Variants in NDUFS6 observed in about 807,000 individuals in gnomAD.
The protein encoded by NDUFS6 is NADH:ubiquinone oxidoreductase subunit S6, also known as NADH dehydrogenase [ubiquinone] iron-sulfur protein 6, mitochondrial.
NDUFS6 carries 14 observed loss-of-function variants against 13.2 expected under a neutral mutation model. The observed-to-expected ratio is 1.06, with a 90% CI of 0.70 to 1.66. NDUFS6 has a LOEUF of 1.66. Ranked by LOEUF, NDUFS6 falls within the 40% of genes most tolerant of loss-of-function variation. The pLI is 0.00. For missense variants in NDUFS6, 206 were observed against 170.8 expected, an observed-to-expected ratio of 1.21 and a Z score of -1.15; for synonymous variants, 95 against 72.3, an observed-to-expected ratio of 1.31 and a Z score of -1.60.
intron 2 of NDUFS6, among the ~76,000 whole-genome samples, chr5:1,807,451 TA>T (rs968865451): frequency 2.0e-5 from 3 of 151,740 alleles, no homozygotes; most frequent in African/African-American, 7.3e-5. Context: ...TTACCACAAT[TA>T]AAAAAAAATT....
rs751632833 is a variant in NDUFS6 at position 1,814,650 on chromosome 5, G to GA, written c.309+193dup. On this transcript the variant is annotated intron_variant, in intron 3 of 3. Coordinates refer to ENST00000274137, the MANE Select transcript of NDUFS6 (RefSeq NM_004553.6). This position sits in a 1 kb window ranked among gnomAD's most constrained non-coding sequence, Gnocchi z 4.9. ...AGGGCCTACATAGAGCCGCCTGTCCGAAAACCCCCTTTCAACTGTGAAGTG... is the reference window on the plus strand; with the variant it reads ...AGGGCCTACATAGAGCCGCCTGTCCGAAAAACCCCCTTTCAACTGTGAAGTG... The GA allele has an allele frequency of 1.1e-5, 10 of 894,762 alleles. No individual in the cohort carries two copies. Among genetic ancestry groups the GA allele is most frequent in the Non-Finnish European group, 1.8e-6 (1 of 560,728 alleles). 55.4% of individuals were successfully genotyped at this position (894,762 alleles called of 1,614,324 possible). A position where few individuals can be genotyped will look rare whatever the true frequency, so the allele number is the denominator to read the frequency against.
intron 2 of NDUFS6, among the ~76,000 whole-genome samples, chr5:1,804,212 C>T (rs895067440): frequency 8.5e-5 from 13 of 152,230 alleles, no homozygotes; most frequent in Non-Finnish European, 1.9e-4. Context: ...CCCTTGGGCT[C>T]ATTCATGCAA....
At chr5:1,813,788 G>A (rs150860104) in intron 2 of NDUFS6, among the ~76,000 whole-genome samples, 1 of 152,298 alleles carries the variant, frequency 6.6e-6, no homozygotes, top group African/African-American at 2.4e-5. Flanking sequence ...CAACCTAACC[G>A]GCATTCAGGA....
chr5:1,807,275 CG>C (rs1274907188), intron 2 of NDUFS6, among the ~76,000 whole-genome samples: 1 of 150,506 alleles, frequency 6.6e-6, no homozygotes, highest in East Asian at 2.0e-4. Flanking sequence ...TGGTGGTTGC[CG>C]GGGGCGGGGG....
In NDUFS6 at chr5:1,814,233, C is replaced by T. The variant is rs1734266233; in HGVS notation, c.187-106C>T. 1 of 1,473,194 alleles carries T rather than the reference C, an allele frequency of 6.8e-7. No individual in the cohort carries two copies. The highest frequency in any genetic ancestry group is 9.5e-7 in the Non-Finnish European group (1 of 1,055,578). 91.3% of individuals were successfully genotyped at this position (1,473,194 alleles called of 1,614,324 possible). ...TGATAATAGTTAAATGAAGCATGCA[C>T]CATAGATTCGTGCTGATGGTACATG... On this transcript the variant is annotated intron_variant, in intron 2 of 3. Transcript: ENST00000274137. This position sits in a 1 kb window ranked among gnomAD's most constrained non-coding sequence, Gnocchi z 4.9.
At chr5:1,805,302 C>A (rs1437952145) in intron 2 of NDUFS6, among the ~76,000 whole-genome samples, 1 of 152,106 alleles carries the variant, frequency 6.6e-6, no homozygotes, top group Admixed American at 6.5e-5. Context: ...TGTACTCCAG[C>A]CTGGGCAACA....
At chr5:1,810,465 T>G (rs1734201376) in intron 2 of NDUFS6, among the ~76,000 whole-genome samples, 1 of 152,216 alleles carries the variant, frequency 6.6e-6, no homozygotes, top group African/African-American at 2.4e-5. Context: ...CAGGGGCAGC[T>G]GAAAGGGGCT....
In NDUFS6 at chr5:1,814,693, C is replaced by A. The variant is rs1337333262; in HGVS notation, c.309+232C>A. Reference sequence around the variant, plus strand: ...GTGAAGTGGTGGGCGGCATGTTTCTCTTCTCGGACGCCCAAGCGTCTTTCC... The same window carrying A: ...GTGAAGTGGTGGGCGGCATGTTTCTATTCTCGGACGCCCAAGCGTCTTTCC... On this transcript the variant is annotated intron_variant, in intron 3 of 3. Transcript: ENST00000274137. This position sits in a 1 kb window ranked among gnomAD's most constrained non-coding sequence, Gnocchi z 4.9. The A allele has an allele frequency of 4.1e-6, 3 of 736,206 alleles. No individual in the cohort carries two copies. The African/African-American group carries it at 5.2e-5, about 13-fold the overall frequency. The allele number at this position is 736,206 out of a possible 1,614,324, so 45.6% of individuals were successfully genotyped here. A position where few individuals can be genotyped will look rare whatever the true frequency, so the allele number is the denominator to read the frequency against.
chr5:1,814,840 A>G lies in NDUFS6; in HGVS notation c.309+379A>G. 1 of 622,440 alleles carries G rather than the reference A, an allele frequency of 1.6e-6. No homozygotes were observed. Among genetic ancestry groups the G allele is most frequent in the African/African-American group, 1.8e-5 (1 of 54,542 alleles). The allele number at this position is 622,440 out of a possible 1,614,324, so 38.6% of individuals were successfully genotyped here. The stretch of plus-strand genomic sequence containing the variant: ...GCGCTGGAGGCTGCAGCCCAAGACC[A>G]CCGTGCCGCTCTGTGGGTTCCTCCT... On this transcript the variant is annotated intron_variant, in intron 3 of 3. Transcript: ENST00000274137. This position sits in a 1 kb window ranked among gnomAD's most constrained non-coding sequence, Gnocchi z 4.9.
intron 1 of NDUFS6, among the ~76,000 whole-genome samples, chr5:1,801,940 G>A (rs1347875923): frequency 6.6e-6 from 1 of 152,234 alleles, no homozygotes; most frequent in East Asian, 1.9e-4. Flanking sequence ...AAAGCCCTAA[G>A]CCAAAATGAA....
intron 2 of NDUFS6, among the ~76,000 whole-genome samples, chr5:1,813,707 C>T (rs1734256248): frequency 6.6e-6 from 1 of 152,114 alleles, no homozygotes; most frequent in African/African-American, 2.4e-5. Flanking sequence ...TCATAAATGA[C>T]CAGGTGGAAG....
intron 2 of NDUFS6, among the ~76,000 whole-genome samples, chr5:1,806,855 A>G (rs1019159839): frequency 1.2e-4 from 18 of 152,234 alleles, no homozygotes; most frequent in African/African-American, 4.1e-4. Context: ...CACTCGTGTC[A>G]TAGCAGCATT....
At chr5:1,810,443 G>A (rs939918192) in intron 2 of NDUFS6, among the ~76,000 whole-genome samples, 2 of 152,146 alleles carry the variant, frequency 1.3e-5, no homozygotes, top group African/African-American at 4.8e-5. Context: ...GCACTTAATC[G>A]TTGACTGTTC....
At chr5:1,802,419 T>C (rs1272625270) in intron 2 of NDUFS6, 45 bp downstream of exon 2, 1 of 1,482,216 alleles carries the variant, frequency 6.7e-7, no homozygotes, top group Non-Finnish European at 9.4e-7. Flanking sequence ...TCCTAAAACT[T>C]TTATGTAACC....
chr5:1,809,779 G>T (rs1233987642), intron 2 of NDUFS6, among the ~76,000 whole-genome samples: 1 of 152,214 alleles, frequency 6.6e-6, no homozygotes, highest in East Asian at 1.9e-4. Context: ...CCTGCAGCAG[G>T]GGTGAGCAGA....
chr5:1,801,509 G>T lies in NDUFS6; in HGVS notation c.92G>T (p.Arg31Leu), dbSNP rs770018272. The change falls in exon 1 of 4, where the codon CGG becomes CTG. Residue 31 changes from arginine to leucine, a missense_variant. Arg to Leu is a moderately radical substitution (Grantham distance 102). Transcript: ENST00000274137. ...CTGGGCGCCAGGTGTTTCGGGGTGC[G>T]GGTCTCGCCGACCGGGGAGAAGGTC... ...LPLGARCFGVRVSPTGEKVTH... is the reference protein window; with the variant it reads ...LPLGARCFGVLVSPTGEKVTH... 22 of 1,599,246 alleles carry T rather than the reference G, an allele frequency of 1.4e-5. No homozygotes were observed. The Admixed American group carries it at 2.7e-4, about 20-fold the overall frequency.
chr5:1,801,676 C>A, intron 1 of NDUFS6, 127 bp downstream of exon 1: 1 of 1,376,766 alleles, frequency 7.3e-7, no homozygotes, highest in Admixed American at 2.6e-5. Flanking sequence ...TAAGGTTGTG[C>A]TGTCGCTCAC....
chr5:1,812,791 G>A (rs1734238953), intron 2 of NDUFS6, among the ~76,000 whole-genome samples: 1 of 151,714 alleles, frequency 6.6e-6, no homozygotes, highest in Admixed American at 6.6e-5. Flanking sequence ...AGTGGCTCAT[G>A]TCTGTAATCC....
chr5:1,802,643 C>T (rs1215357670), intron 2 of NDUFS6, among the ~76,000 whole-genome samples: 9 of 152,110 alleles, frequency 5.9e-5, no homozygotes, highest in African/African-American at 2.2e-4. Flanking sequence ...CCTTATTCTC[C>T]TGAGACTCTC....
Sources: gnomAD v4.1 joint callset for allele counts (sites outside exome capture counted in the v4.1 genomes callset) on GRCh38, gnomAD v4.1.1 for gene constraint, Gnocchi (gnomAD v3.1) non-coding constraint, MANE v1.5 for transcripts, NCBI Gene and HGNC (gene_info 2026-07-23, HGNC 2026-07-21) for gene names.